Variants in ROBO1 observed in about 807,000 individuals in gnomAD.
ROBO1 encodes roundabout homolog 1.
ROBO1 carries 149 observed loss-of-function variants against 195.9 expected under a neutral mutation model. The observed-to-expected ratio is 0.76, with a 90% CI of 0.67 to 0.87. The LOEUF is 0.87. Among genes scored for constraint, ROBO1 ranks in the 40% least tolerant of loss-of-function variants. ROBO1 has a pLI of 0.00. For missense variants in ROBO1, 1,933 were observed against 2,068.3 expected (o/e 0.93, Z 1.27); for synonymous variants, 816 against 733.2 (o/e 1.11, Z -1.82).
intron 1 of ROBO1, among the ~76,000 whole-genome samples, chr3:79,720,954 G>A (rs1195105240): frequency 2.0e-5 from 3 of 151,900 alleles, no homozygotes; most frequent in African/African-American, 4.8e-5. Context: ...CACCGTGCCC[G>A]GCTAATTTTT....
chr3:78,614,507 G>T, intron 28 of ROBO1, 141 bp downstream of exon 28: 1 of 859,012 alleles, frequency 1.2e-6, no homozygotes, highest in Non-Finnish European at 1.7e-6. Flanking sequence ...TAAGTAGGTC[G>T]CTTCTATAAG....
rs538872246 is a variant in ROBO1, at chr3:78,808,205, A to G, written c.500-61305T>C. 1.1e-4 allele frequency among the ~76,000 whole-genome samples: 16 copies of G among 152,208 alleles called. No individual in the cohort carries two copies. The East Asian group carries it at 2.5e-3, about 24-fold the overall frequency. The stretch of plus-strand genomic sequence containing the variant: ...TTAATGCTGAAATGAGAATTATTTT[A>G]TTTTATTTTATTTTTTTGAGACAGA... On this transcript the variant is annotated intron_variant, in intron 4 of 30. Coordinates refer to ENST00000464233, the MANE Select transcript of ROBO1 (RefSeq NM_002941.4).
intron 3 of ROBO1, among the ~76,000 whole-genome samples, chr3:79,072,873 A>G (rs1416310293): frequency 6.6e-6 from 1 of 151,988 alleles, no homozygotes; most frequent in Non-Finnish European, 1.5e-5. Context: ...AGTCAACAAC[A>G]ATGCAAAATT....
intron 1 of ROBO1, among the ~76,000 whole-genome samples, chr3:79,670,486 C>T (rs9878764): frequency 0.6 from 91,317 of 151,502 alleles, 27,710 homozygotes; most frequent in South Asian, 0.69. Flanking sequence ...TTCAAAATGG[C>T]GTATCAACTC....
At chr3:78,899,230 T>G (rs183852366) in intron 4 of ROBO1, among the ~76,000 whole-genome samples, 1 of 152,324 alleles carries the variant, frequency 6.6e-6, no homozygotes, top group Admixed American at 6.5e-5. Flanking sequence ...TAAGTGCATT[T>G]TGTGAAGTGG....
At chr3:78,974,287 G>A (rs1257852768) in intron 3 of ROBO1, among the ~76,000 whole-genome samples, 3 of 151,780 alleles carry the variant, frequency 2.0e-5, no homozygotes, top group Admixed American at 6.6e-5. Flanking sequence ...GAGAGAGAAC[G>A]AAAGGGAAAT....
intron 2 of ROBO1, among the ~76,000 whole-genome samples, chr3:79,160,009 T>C (rs1383836405): frequency 3.9e-5 from 6 of 152,034 alleles, no homozygotes; most frequent in Admixed American, 3.3e-4. Flanking sequence ...TGTCAACAGA[T>C]AGAAAGATAG....
At chr3:79,031,610 A>C (rs1223820831) in intron 3 of ROBO1, among the ~76,000 whole-genome samples, 1 of 152,220 alleles carries the variant, frequency 6.6e-6, no homozygotes, top group Non-Finnish European at 1.5e-5. Flanking sequence ...TATTCTTTTT[A>C]TATTAAGTGA....
At chr3:79,242,945 T>TAACATTAGGTATA (rs2082548245) in intron 2 of ROBO1, among the ~76,000 whole-genome samples, 1 of 151,618 alleles carries the variant, frequency 6.6e-6, no homozygotes, top group Admixed American at 6.6e-5. Flanking sequence ...ACTCATCATT[T>TAACATTAGGTATA]AACATTAGGT....
intron 2 of ROBO1, among the ~76,000 whole-genome samples, chr3:79,270,868 AT>A (rs1399298030): frequency 2.0e-5 from 3 of 151,982 alleles, no homozygotes; most frequent in African/African-American, 4.8e-5. Flanking sequence ...AAACTCTCAT[AT>A]AATGTAATCA....
intron 1 of ROBO1, among the ~76,000 whole-genome samples, chr3:79,720,117 C>T (rs1481317564): frequency 6.6e-6 from 1 of 152,002 alleles, no homozygotes; most frequent in Non-Finnish European, 1.5e-5. Flanking sequence ...TAAAGATGGC[C>T]CTCAATGAAT....
At chr3:79,285,846 G>A (rs2031854022) in intron 2 of ROBO1, among the ~76,000 whole-genome samples, 1 of 151,962 alleles carries the variant, frequency 6.6e-6, no homozygotes, top group African/African-American at 2.4e-5. Context: ...ATTCATAATG[G>A]CTTAGACTTA....
chr3:79,557,125 A>G (rs1263134970), intron 2 of ROBO1, among the ~76,000 whole-genome samples: 1 of 151,354 alleles, frequency 6.6e-6, no homozygotes, highest in Admixed American at 6.6e-5. Context: ...CCTAGAGTTG[A>G]GTTTAAGCCA....
intron 2 of ROBO1, among the ~76,000 whole-genome samples, chr3:79,349,531 A>G (rs2035261081): frequency 1.3e-5 from 2 of 152,188 alleles, no homozygotes; most frequent in Non-Finnish European, 2.9e-5. Context: ...TCTTGCAAAG[A>G]ACAAAGTTGG....
chr3:79,376,804 G>A (rs915858250), intron 2 of ROBO1, among the ~76,000 whole-genome samples: 4 of 152,082 alleles, frequency 2.6e-5, no homozygotes, highest in African/African-American at 9.7e-5. Context: ...TAGTAAAAAG[G>A]AGTTTGATAG....
chr3:79,357,891 T>G lies in ROBO1; in HGVS notation c.88+231933A>C, dbSNP rs186068631. On this transcript the variant is annotated intron_variant, in intron 2 of 30. Transcript: ENST00000464233. ...ACTTCATAAGTGGAATCTAATTTCA[T>G]TTGCGGATTAGTGGAAACAAGAAAT... 1.1e-4 allele frequency among the ~76,000 whole-genome samples: 16 copies of G among 152,232 alleles called. No homozygotes were observed. In the East Asian group the frequency reaches 2.9e-3, roughly 28 times the overall value.
chr3:78,620,679 T>C (rs962150476), intron 26 of ROBO1, among the ~76,000 whole-genome samples: 5 of 152,174 alleles, frequency 3.3e-5, no homozygotes, highest in African/African-American at 1.2e-4. Context: ...TTTATAAGAT[T>C]TACTCATTTA....
At chr3:79,060,063 A>G (rs571791022) in intron 3 of ROBO1, among the ~76,000 whole-genome samples, 27 of 152,108 alleles carry the variant, frequency 1.8e-4, no homozygotes, top group African/African-American at 6.0e-4. Context: ...TGAGGTCTCT[A>G]AAATGGTCGC....
intron 24 of ROBO1, among the ~76,000 whole-genome samples, chr3:78,633,704 A>G (rs572137145): frequency 1.3e-5 from 2 of 152,312 alleles, no homozygotes; most frequent in South Asian, 4.1e-4. Context: ...GCTAAAGCTC[A>G]TTAACAAGGA....
Sources: allele counts gnomAD v4.1 joint callset (sites outside exome capture counted in the v4.1 genomes callset), GRCh38; gene constraint gnomAD v4.1.1; transcripts MANE v1.5; gene names NCBI Gene and HGNC (gene_info 2026-07-23, HGNC 2026-07-21).